Variants in HSPH1 observed in about 807,000 individuals in gnomAD.
HSPH1 encodes the protein heat shock protein family H (Hsp110) member 1.
A neutral mutation model predicts 100.0 loss-of-function variants in HSPH1; 40 were observed. The ratio of observed to expected loss-of-function variants is 0.40; its 90% CI spans 0.31 to 0.52. The LOEUF is 0.52. Ranked by LOEUF, HSPH1 falls within the 20% of genes least tolerant of loss-of-function variation. The pLI, the probability that HSPH1 is intolerant of heterozygous loss-of-function variation, is 0.54. For missense variants in HSPH1, 876 were observed against 1,015.1 expected (o/e 0.86, Z 1.86); for synonymous variants, 403 against 344.0 (o/e 1.17, Z -1.90).
At chr13:31,146,660 G>A (rs1235226146) in intron 10 of HSPH1, among the ~76,000 whole-genome samples, 1 of 152,152 alleles carries the variant, frequency 6.6e-6, no homozygotes, top group Non-Finnish European at 1.5e-5. Context: ...CATTACTAAT[G>A]GTTAAAAGTG....
intron 1 of HSPH1, among the ~76,000 whole-genome samples, chr13:31,160,503 G>A (rs977214533): frequency 3.9e-5 from 6 of 151,990 alleles, no homozygotes; most frequent in Admixed American, 2.0e-4. Flanking sequence ...AAATTAATAG[G>A]TACAGTATTT....
At position 31,151,147 on chromosome 13, in the gene HSPH1, G is replaced by T. The variant is rs146776431; in HGVS notation, c.708C>A (p.Phe236Leu). ...AFDPFLGGKN[F>L]DEKLVEHFCA... ...AAAAATGTTCCACTAACTTTTCATCGAAGTTTTTTCCTCCTAAGAAAGGAT... is the reference window on the plus strand; with the variant it reads ...AAAAATGTTCCACTAACTTTTCATCTAAGTTTTTTCCTCCTAAGAAAGGAT... Residue 236 changes from phenylalanine to leucine, a missense_variant, in exon 7 of 18, where the codon TTC becomes TTA. By Grantham distance (22) the Phe-to-Leu change is conservative (BLOSUM62 0). Coordinates refer to ENST00000320027, the MANE Select transcript of HSPH1 (RefSeq NM_006644.4). The T allele has an allele frequency of 1.2e-6, 2 of 1,612,940 alleles. No homozygotes were observed. Among genetic ancestry groups the T allele is most frequent in the Admixed American group, 1.7e-5 (1 of 59,914 alleles).
Position 31,137,049 on chromosome 13 carries a change from T to C in HSPH1, c.*269A>G, listed in dbSNP as rs1209522075. The C allele has an allele frequency of 1.7e-6, 1 of 593,046 alleles. No individual in the cohort carries two copies. The highest frequency in any genetic ancestry group is 3.8e-5 in the East Asian group (1 of 26,238). 36.7% of individuals were successfully genotyped at this position (593,046 alleles called of 1,614,324 possible). On this transcript the variant is annotated 3_prime_UTR_variant, in exon 18 of 18. Transcript: ENST00000320027. Reference sequence around the variant, plus strand: ...TTTCTCCAAAAGACAAAAGTCAGTTTCATCCTCAGTGATGCAAATGGTGAG... The same window carrying C: ...TTTCTCCAAAAGACAAAAGTCAGTTCCATCCTCAGTGATGCAAATGGTGAG...
At chr13:31,140,920 CATGTT>C in intron 13 of HSPH1, 197 bp downstream of exon 13, 2 of 381,876 alleles carry the variant, frequency 5.2e-6, no homozygotes, top group Non-Finnish European at 4.6e-6. Flanking sequence ...CTCAGCCAAT[CATGTT>C]ATATCAAGCA....
intron 10 of HSPH1, among the ~76,000 whole-genome samples, chr13:31,147,109 A>G (rs1168604147): frequency 6.6e-6 from 1 of 152,172 alleles, no homozygotes; most frequent in Non-Finnish European, 1.5e-5. Flanking sequence ...AGTTTCAATC[A>G]AACATGAAAA....
At chr13:31,155,446 CTCAAA>C in intron 3 of HSPH1, 63 bp downstream of exon 3, 1 of 1,291,544 alleles carries the variant, frequency 7.7e-7, no homozygotes, top group Non-Finnish European at 1.1e-6. Context: ...TAAGTAATAA[CTCAAA>C]TAAGTTCGTA....
intron 1 of HSPH1, among the ~76,000 whole-genome samples, chr13:31,159,868 G>C (rs193036637): frequency 6.6e-6 from 1 of 152,220 alleles, no homozygotes; most frequent in African/African-American, 2.4e-5. Flanking sequence ...TGTCCAAGCA[G>C]AAGCTAGACA....
intron 1 of HSPH1, 130 bp from the exon 2 acceptor site, chr13:31,158,993 T>C: frequency 1.7e-6 from 1 of 587,728 alleles, no homozygotes; most frequent in Non-Finnish European, 3.1e-6. Flanking sequence ...AATTTTAAGG[T>C]CTATAGCTTT....
intron 10 of HSPH1, among the ~76,000 whole-genome samples, chr13:31,146,712 G>A (rs1013236666): frequency 6.6e-6 from 1 of 152,118 alleles, no homozygotes; most frequent in Non-Finnish European, 1.5e-5. Flanking sequence ...TCCTGGCTGT[G>A]TGACCTGTTA....
chr13:31,144,709 AAGAT>A (rs138932935), intron 11 of HSPH1, among the ~76,000 whole-genome samples: 125 of 152,284 alleles, frequency 8.2e-4, no homozygotes, highest in African/African-American at 3.0e-3. Flanking sequence ...TCAAGATTCT[AAGAT>A]AGACACTGAA....
chr13:31,138,406 C>T lies in HSPH1; in HGVS notation c.2370+1G>A, dbSNP rs779215666. On this transcript the variant is annotated splice_donor_variant, in intron 17 of 17. Transcript: ENST00000320027. LOFTEE classifies it high-confidence loss of function. ...AGTAAACACGAGACAGTAACACTCA[C>T]CTTGATTTTTGTTTTAATTTCCTGA... is the stretch of plus-strand genomic sequence containing the variant. The T allele has an allele frequency of 6.2e-7, 1 of 1,612,470 alleles. No individual in the cohort carries two copies. Among genetic ancestry groups the T allele is most frequent in the Non-Finnish European group, 8.5e-7 (1 of 1,178,922 alleles).
At chr13:31,143,649 A>G (rs1290152824) in intron 12 of HSPH1, 143 bp downstream of exon 12, 4 of 731,870 alleles carry the variant, frequency 5.5e-6, no homozygotes, top group Non-Finnish European at 8.3e-6. Context: ...TTTAGTTGAA[A>G]AATACATAGA....
intron 10 of HSPH1, among the ~76,000 whole-genome samples, chr13:31,147,563 G>A (rs755041823): frequency 6.6e-6 from 1 of 152,054 alleles, no homozygotes; most frequent in African/African-American, 2.4e-5. Context: ...AATGGTCGCT[G>A]ACTCAGGTTT....
chr13:31,141,797 TACATACACAC>T (rs1357037732), intron 12 of HSPH1, among the ~76,000 whole-genome samples: 115 of 124,220 alleles, frequency 9.3e-4, no homozygotes, highest in African/African-American at 3.3e-3. Context: ...TCCATACACA[TACATACACAC>T]ACACACACAC....
chr13:31,148,049 T>G lies in HSPH1; in HGVS notation c.1288A>C (p.Lys430Gln), dbSNP rs759184344. 6.2e-6 allele frequency: 10 copies of G among 1,610,908 alleles called. No individual in the cohort carries two copies. The highest frequency in any genetic ancestry group is 8.5e-6 in the Non-Finnish European group (10 of 1,178,800). ...FSRNHAAPFS[K>Q]VLTFLRRGPF... ...CCCCTTCTCAGAAAGGTGAGAACTT[T>G]GGAGAAAGGAGCAGCATGGTTTCGA... The change falls in exon 10 of 18, where the codon AAA (lysine) becomes CAA (glutamine). Residue 430 changes from lysine (K) to glutamine (Q), a missense_variant. By Grantham distance (53) the Lys-to-Gln change is moderately conservative (BLOSUM62 1). Coordinates refer to ENST00000320027, the MANE Select transcript of HSPH1 (RefSeq NM_006644.4).
At chr13:31,151,315 T>C in intron 6 of HSPH1, 124 bp from the exon 7 acceptor site, 1 of 854,124 alleles carries the variant, frequency 1.2e-6, no homozygotes, top group South Asian at 1.9e-5. Context: ...AATTATAACA[T>C]GAAATCCAAA....
At position 31,141,264 on chromosome 13, in the gene HSPH1, G is replaced by T; in HGVS notation, c.1717-5C>A. The T allele has an allele frequency of 6.3e-7, 1 of 1,582,658 alleles. No homozygotes were observed. Among genetic ancestry groups the T allele is most frequent in the Admixed American group, 1.9e-5 (1 of 53,050 alleles). On this transcript the variant is annotated splice_region_variant and splice_polypyrimidine_tract_variant and intron_variant, in intron 12 of 17. Coordinates refer to ENST00000320027, the MANE Select transcript of HSPH1 (RefSeq NM_006644.4). The stretch of plus-strand genomic sequence containing the variant: ...GTCAACTTTTTTTTCATTTGCCTTG[G>T]GAAGAGGAATAAAAAAAGGAAAAAA...
chr13:31,151,772 T>C (rs1566009668), intron 5 of HSPH1, 30 bp from the exon 6 acceptor site: 2 of 1,576,070 alleles, frequency 1.3e-6, no homozygotes, highest in African/African-American at 2.8e-5. Flanking sequence ...TTCAATTCTT[T>C]GGTTCACATT....
At position 31,139,310 on chromosome 13, in the gene HSPH1, GAA is replaced by G. The variant is rs869202873; in HGVS notation, c.1981-205_1981-204del. The stretch of plus-strand genomic sequence containing the variant: ...ATCTTAGAAGCCCAATCTGTACAAT[GAA>G]ATGTGGTTTCTAGAAGAGTATCTTC... On this transcript the variant is annotated intron_variant, in intron 14 of 17. Coordinates refer to ENST00000320027, the MANE Select transcript of HSPH1 (RefSeq NM_006644.4). 7 of 525,444 alleles carry G rather than the reference GAA, an allele frequency of 1.3e-5. 1 individual carries two copies. The highest frequency in any genetic ancestry group is 9.5e-5 in the African/African-American group (5 of 52,498). 32.5% of individuals were successfully genotyped at this position (525,444 alleles called of 1,614,324 possible).
Sources: gnomAD v4.1 joint callset for allele counts (sites outside exome capture counted in the v4.1 genomes callset) on GRCh38, gnomAD v4.1.1 for gene constraint, MANE v1.5 for transcripts, NCBI Gene and HGNC (gene_info 2026-07-23, HGNC 2026-07-21) for gene names.